The following SEMA6D variants were observed in gnomAD, a reference collection of about 807,000 sequenced individuals.
SEMA6D encodes semaphorin 6D.
Under a neutral mutation model 106.6 loss-of-function variants are expected in SEMA6D, and 35 were observed. The observed-to-expected ratio is 0.33, with a 90% CI of 0.25 to 0.44. SEMA6D has a LOEUF of 0.44. Ranked by LOEUF, SEMA6D falls within the 20% of genes least tolerant of loss-of-function variation. SEMA6D has a pLI of 1.00. For missense variants in SEMA6D, 1,185 were observed against 1,345.9 expected, an observed-to-expected ratio of 0.88 and a Z score of 1.87; for synonymous variants, 499 against 487.7, an observed-to-expected ratio of 1.02 and a Z score of -0.31.
chr15:47,301,984 A>C (rs1361518043), intron 1 of SEMA6D, among the ~76,000 whole-genome samples: 1 of 152,248 alleles, frequency 6.6e-6, no homozygotes, highest in Admixed American at 6.5e-5. Flanking sequence ...AGCAAGTGAA[A>C]GAAAAAAGTT....
intron 3 of SEMA6D, among the ~76,000 whole-genome samples, chr15:47,595,373 C>T (rs2076513931): frequency 6.6e-6 from 1 of 152,168 alleles, no homozygotes; most frequent in African/African-American, 2.4e-5. Context: ...TGATATTTCA[C>T]ATCTATAGAT....
At chr15:47,212,222 T>C (rs2030096496) in intron 1 of SEMA6D, among the ~76,000 whole-genome samples, 1 of 152,160 alleles carries the variant, frequency 6.6e-6, no homozygotes, top group Non-Finnish European at 1.5e-5. Flanking sequence ...AATTAAGAAA[T>C]AGGCAAATTA....
chr15:47,657,738 T>C (rs1834509087), intron 4 of SEMA6D, among the ~76,000 whole-genome samples: 3 of 104,774 alleles, frequency 2.9e-5, no homozygotes, highest in African/African-American at 1.2e-4. Flanking sequence ...TTTTTTTTTT[T>C]TTTTTTTTTT....
chr15:47,382,709 A>G (rs1028342469), intron 1 of SEMA6D, among the ~76,000 whole-genome samples: 2 of 152,216 alleles, frequency 1.3e-5, no homozygotes, highest in South Asian at 4.1e-4. Context: ...AGAGAAAAGC[A>G]TGGGATCAGA....
chr15:47,479,113 T>A (rs912007273), intron 3 of SEMA6D, among the ~76,000 whole-genome samples: 1 of 152,160 alleles, frequency 6.6e-6, no homozygotes, highest in African/African-American at 2.4e-5. Context: ...TCAGCCATCA[T>A]TCTATGCATC....
At chr15:47,668,440 C>T (rs1036345137) in intron 4 of SEMA6D, among the ~76,000 whole-genome samples, 9 of 152,254 alleles carry the variant, frequency 5.9e-5, no homozygotes, top group Middle Eastern at 3.4e-3. Flanking sequence ...TAAAGAGCTG[C>T]GTAATATATG....
intron 4 of SEMA6D, among the ~76,000 whole-genome samples, chr15:47,662,682 G>T (rs1464610570): frequency 6.6e-6 from 1 of 152,068 alleles, no homozygotes; most frequent in South Asian, 2.1e-4. Context: ...AAGAATACAC[G>T]ACTTCAGTTC....
intron 1 of SEMA6D, among the ~76,000 whole-genome samples, chr15:47,256,934 G>C (rs766199944): frequency 1.3e-5 from 2 of 152,010 alleles, no homozygotes; most frequent in Non-Finnish European, 2.9e-5. Flanking sequence ...ATTCCATCAT[G>C]TCATTTGCAA....
chr15:47,738,698 A>G (rs2080602973), intron 1 of SEMA6D, among the ~76,000 whole-genome samples: 1 of 152,216 alleles, frequency 6.6e-6, no homozygotes, highest in Non-Finnish European at 1.5e-5. Context: ...GAGGGGATCC[A>G]GGGAAGGGTT....
intron 4 of SEMA6D, among the ~76,000 whole-genome samples, chr15:47,641,368 T>C (rs933016058): frequency 6.6e-6 from 1 of 152,244 alleles, no homozygotes; most frequent in Non-Finnish European, 1.5e-5. Context: ...TGTTATTTGC[T>C]GTTCTTGTCT....
chr15:47,251,436 C>T (rs2033507510), intron 1 of SEMA6D, among the ~76,000 whole-genome samples: 1 of 151,916 alleles, frequency 6.6e-6, no homozygotes, highest in Middle Eastern at 3.2e-3. Context: ...ATCCTTGTTC[C>T]CAAATACTTT....
intron 1 of SEMA6D, among the ~76,000 whole-genome samples, chr15:47,379,904 T>C (rs1182130236): frequency 6.6e-6 from 1 of 151,712 alleles, no homozygotes; most frequent in African/African-American, 2.4e-5. Flanking sequence ...ACTACAGGCA[T>C]GCCCCACCAC....
At chr15:47,356,369 C>T (rs142367756) in intron 1 of SEMA6D, among the ~76,000 whole-genome samples, 3 of 152,236 alleles carry the variant, frequency 2.0e-5, no homozygotes, top group East Asian at 1.9e-4. Context: ...AAATATTCCA[C>T]GAACACTTTA....
chr15:47,367,248 C>G (rs281274), intron 1 of SEMA6D, among the ~76,000 whole-genome samples: 3 of 151,968 alleles, frequency 2.0e-5, no homozygotes, highest in Non-Finnish European at 4.4e-5. Context: ...TCCTTCCCCC[C>G]CTTCTTCAAA....
At chr15:47,580,636 T>G (rs1254090580) in intron 3 of SEMA6D, among the ~76,000 whole-genome samples, 1 of 152,206 alleles carries the variant, frequency 6.6e-6, no homozygotes, top group African/African-American at 2.4e-5. Flanking sequence ...ACCCATTCAT[T>G]CATTTATTCA....
At chr15:47,354,329 A>G (rs1370145603) in intron 1 of SEMA6D, among the ~76,000 whole-genome samples, 2 of 147,312 alleles carry the variant, frequency 1.4e-5, no homozygotes, top group African/African-American at 2.5e-5. Context: ...ACACACATGC[A>G]TATATATGGA....
intron 1 of SEMA6D, among the ~76,000 whole-genome samples, chr15:47,759,019 T>C (rs1175492554): frequency 6.6e-6 from 1 of 152,198 alleles, no homozygotes; most frequent in Non-Finnish European, 1.5e-5. Context: ...TGTGTCCAAA[T>C]GGTTTTATGT....
chr15:47,720,729 C>T (rs1370369252), intron 1 of SEMA6D, among the ~76,000 whole-genome samples: 1 of 152,164 alleles, frequency 6.6e-6, no homozygotes, highest in East Asian at 1.9e-4. Flanking sequence ...TGGAGAAGTT[C>T]TTCACTTCTT....
At chr15:47,611,166 CACACACA>C (rs1402915033) in intron 4 of SEMA6D, among the ~76,000 whole-genome samples, 5 of 151,786 alleles carry the variant, frequency 3.3e-5, no homozygotes, top group Non-Finnish European at 7.4e-5. Flanking sequence ...CACACACACA[CACACACA>C]CACACACACA....
Sources: gnomAD v4.1 joint callset for allele counts (sites outside exome capture counted in the v4.1 genomes callset) on GRCh38, gnomAD v4.1.1 for gene constraint, MANE v1.5 for transcripts, NCBI Gene and HGNC (gene_info 2026-07-23, HGNC 2026-07-21) for gene names.